The following KLHDC4 variants were observed in gnomAD, a reference collection of about 807,000 sequenced individuals.
KLHDC4 encodes kelch domain containing 4.
KLHDC4 carries 90 observed loss-of-function variants against 62.4 expected under a neutral mutation model. The observed-to-expected ratio is 1.44, with a 90% CI of 1.22 to 1.72. The LOEUF is 1.72. Ranked by LOEUF, KLHDC4 falls within the 40% of genes most tolerant of loss-of-function variation. The pLI is 0.00. For missense variants in KLHDC4, 1,025 were observed against 699.7 expected (o/e 1.47, Z -5.25); for synonymous variants, 386 against 284.4 (o/e 1.36, Z -3.59).
chr16:87,757,101 C>A (rs1287031332), intron 2 of KLHDC4, among the ~76,000 whole-genome samples: 1 of 151,956 alleles, frequency 6.6e-6, no homozygotes, highest in South Asian at 2.1e-4. Flanking sequence ...AGGTGTGAGC[C>A]ACCGTGCCTG....
chr16:87,702,342 G>A (rs756619243), exon 1 of KLHDC4: 1 of 453,732 alleles, frequency 2.2e-6, no homozygotes, highest in South Asian at 1.6e-5. Flanking sequence ...GAGAGAGGAA[G>A]ATGGGTGTGA....
intron 9 of KLHDC4, chr16:87,710,594 G>A (rs941561268): frequency 6.6e-6 from 1 of 151,860 alleles, no homozygotes; most frequent in African/African-American, 2.4e-5. Flanking sequence ...ACTCTGCTTG[G>A]AGCAATTCCT....
intron 7 of KLHDC4, among the ~76,000 whole-genome samples, chr16:87,725,047 C>T (rs995313286): frequency 2.6e-5 from 4 of 152,062 alleles, no homozygotes; most frequent in Non-Finnish European, 5.9e-5. Flanking sequence ...ACATGCAACA[C>T]GTGGGTCTGA....
At chr16:87,748,583 G>A (rs373524780) in intron 5 of KLHDC4, 90 bp downstream of exon 5, 38 of 1,515,792 alleles carry the variant, frequency 2.5e-5, no homozygotes, top group East Asian at 2.0e-4. Context: ...CTGAACCCTG[G>A]TATTCTGAGG....
In KLHDC4 at chr16:87,708,389, C is replaced by G. The variant is rs753693075; in HGVS notation, c.1525G>C (p.Asp509His). 2 of 1,611,050 alleles carry G rather than the reference C, an allele frequency of 1.2e-6. No individual in the cohort carries two copies. Among genetic ancestry groups the G allele is most frequent in the African/African-American group, 1.3e-5 (1 of 74,906 alleles). ...CCGCTCTCCTCTCCGCTGTCTTCGT[C>G]GTCGACCCCACCCTCGGCGCCCTCA... Reference protein sequence around the residue: ...EVEGAEGGVDDEDSGEESGAE... With the variant: ...EVEGAEGGVDHEDSGEESGAE... The change falls in exon 11 of 12, where the codon GAC (aspartate) becomes CAC (histidine). Residue 509 changes from aspartate (D) to histidine (H), a missense_variant. Physicochemically the swap from Asp to His is moderately conservative, Grantham distance 81 (BLOSUM62 -1). Coordinates refer to ENST00000270583, the MANE Select transcript of KLHDC4 (RefSeq NM_017566.4).
chr16:87,711,820 G>A lies in KLHDC4; in HGVS notation c.836-377C>T, dbSNP rs769182947. On this transcript the variant is annotated intron_variant, in intron 8 of 11. Coordinates refer to ENST00000270583, the MANE Select transcript of KLHDC4 (RefSeq NM_017566.4). Reference sequence around the variant, plus strand: ...CCTCCGCCCGGCACGGGGACCCTTCGCCCAGGGGGCTGAGTGGCCTGCACC... The same window carrying A: ...CCTCCGCCCGGCACGGGGACCCTTCACCCAGGGGGCTGAGTGGCCTGCACC... 1.3e-4 allele frequency among the ~76,000 whole-genome samples: 20 copies of A among 150,654 alleles called. No homozygotes were observed. The South Asian group carries it at 2.3e-3, about 18-fold the overall frequency.
At chr16:87,765,397 A>G (rs1461049061) in intron 1 of KLHDC4, 3 of 477,252 alleles carry the variant, frequency 6.3e-6, no homozygotes, top group Non-Finnish European at 8.3e-6. Context: ...CAGACCACAC[A>G]TCATGCAGAG....
chr16:87,722,170 T>A (rs2038496813), intron 7 of KLHDC4, among the ~76,000 whole-genome samples: 1 of 152,208 alleles, frequency 6.6e-6, no homozygotes, highest in South Asian at 2.1e-4. Flanking sequence ...TTCGTTAGGA[T>A]ACAAGTCATC....
chr16:87,751,494 A>G (rs888311440), intron 4 of KLHDC4, among the ~76,000 whole-genome samples: 10 of 151,818 alleles, frequency 6.6e-5, no homozygotes, highest in African/African-American at 2.4e-4. Flanking sequence ...GAAAAAAAAA[A>G]TGAACTTTAT....
At chr16:87,715,107 C>G (rs931494797) in intron 7 of KLHDC4, among the ~76,000 whole-genome samples, 1 of 152,186 alleles carries the variant, frequency 6.6e-6, no homozygotes, top group African/African-American at 2.4e-5. Flanking sequence ...ACCAGGTGCA[C>G]TGTTCCCCAG....
At chr16:87,740,078 A>G (rs978492497) in intron 5 of KLHDC4, among the ~76,000 whole-genome samples, 3 of 152,160 alleles carry the variant, frequency 2.0e-5, no homozygotes, top group African/African-American at 4.8e-5. Context: ...CCAGAAACCA[A>G]TGGAGGGAGA....
intron 4 of KLHDC4, among the ~76,000 whole-genome samples, chr16:87,750,571 T>C (rs1233285906): frequency 6.6e-6 from 1 of 152,208 alleles, no homozygotes. Context: ...GGACGAAGAA[T>C]GGTTCCACAC....
At chr16:87,731,611 T>C (rs1333147988) in intron 5 of KLHDC4, among the ~76,000 whole-genome samples, 1 of 148,492 alleles carries the variant, frequency 6.7e-6, no homozygotes, top group Non-Finnish European at 1.5e-5. Flanking sequence ...GGCGAGGACA[T>C]GGGGCTGCTG....
At chr16:87,701,753 C>A (rs1002935941) in exon 1 of KLHDC4, 1 of 456,778 alleles carries the variant, frequency 2.2e-6, no homozygotes, top group Non-Finnish European at 4.4e-6. Flanking sequence ...GCCCGCCCGT[C>A]CTCCCAAGCG....
At chr16:87,750,407 T>C (rs959846550) in intron 4 of KLHDC4, 3 of 152,268 alleles carry the variant, frequency 2.0e-5, no homozygotes, top group African/African-American at 4.8e-5. Context: ...ACGCACCTAG[T>C]GGCATAATTA....
chr16:87,741,176 A>C (rs1186503831), intron 5 of KLHDC4, among the ~76,000 whole-genome samples: 4 of 152,232 alleles, frequency 2.6e-5, no homozygotes, highest in Non-Finnish European at 5.9e-5. Flanking sequence ...GAAGACAATG[A>C]GAGACTGTTA....
intron 5 of KLHDC4, among the ~76,000 whole-genome samples, chr16:87,731,305 C>G (rs112764678): frequency 6.6e-6 from 1 of 151,974 alleles, no homozygotes; most frequent in African/African-American, 2.4e-5. Flanking sequence ...CCTCAAACCT[C>G]AAGTGATCTG....
chr16:87,729,611 G>C (rs188128404), intron 6 of KLHDC4, among the ~76,000 whole-genome samples: 27 of 152,352 alleles, frequency 1.8e-4, no homozygotes, highest in Admixed American at 8.5e-4. Context: ...GCAGATAACA[G>C]GCCTAAAACA....
At chr16:87,735,630 C>T (rs2041183447) in intron 5 of KLHDC4, among the ~76,000 whole-genome samples, 1 of 152,232 alleles carries the variant, frequency 6.6e-6, no homozygotes, top group Admixed American at 6.5e-5. Context: ...AAAGATTCCA[C>T]GTCCCTCTTT....
Sources: allele counts gnomAD v4.1 joint callset (sites outside exome capture counted in the v4.1 genomes callset), GRCh38; gene constraint gnomAD v4.1.1; transcripts MANE v1.5; gene names NCBI Gene and HGNC (gene_info 2026-07-23, HGNC 2026-07-21).